The following ANXA11 variants were observed in gnomAD, a reference collection of about 807,000 sequenced individuals.
ANXA11 encodes annexin A11.
In ANXA11, 57 loss-of-function variants were observed where a neutral mutation model predicts 64.7. The observed-to-expected ratio is 0.88, with a 90% CI of 0.71 to 1.10. The LOEUF is 1.10. ANXA11 is among the 50% of genes least tolerant of loss of function. The pLI, the probability that ANXA11 is intolerant of heterozygous loss-of-function variation, is 0.00. For missense variants in ANXA11, 675 were observed against 670.7 expected (o/e 1.01, Z -0.07); for synonymous variants, 260 against 265.2 (o/e 0.98, Z 0.19).
chr10:80,176,471 G>A (rs1034327078), intron 1 of ANXA11, among the ~76,000 whole-genome samples: 9 of 152,208 alleles, frequency 5.9e-5, no homozygotes, highest in East Asian at 1.9e-4. Context: ...GCTGCCTCTC[G>A]AGAGGAAAGG....
chr10:80,179,926 T>C (rs1377767362), intron 1 of ANXA11, among the ~76,000 whole-genome samples: 5 of 152,162 alleles, frequency 3.3e-5, no homozygotes, highest in South Asian at 2.1e-4. Flanking sequence ...CTCTCAAACA[T>C]GGTGCCATCC....
chr10:80,169,984 G>A (rs967197330), intron 4 of ANXA11, among the ~76,000 whole-genome samples: 5 of 152,192 alleles, frequency 3.3e-5, no homozygotes, highest in Admixed American at 3.3e-4. Flanking sequence ...CCTGATGCAG[G>A]TCTTTGCTCA....
chr10:80,167,467 G>A (rs550212493), intron 5 of ANXA11, among the ~76,000 whole-genome samples, 154 bp from the exon 6 acceptor site: 14 of 152,300 alleles, frequency 9.2e-5, no homozygotes, highest in Admixed American at 2.6e-4. Flanking sequence ...ACTTTACGCC[G>A]CGTCTACCTA....
At chr10:80,190,446 C>T (rs1846722843) in intron 1 of ANXA11, among the ~76,000 whole-genome samples, 2 of 151,558 alleles carry the variant, frequency 1.3e-5, no homozygotes, top group Non-Finnish European at 2.9e-5. Flanking sequence ...CTTTGTACTC[C>T]ATAAATTTAC....
chr10:80,167,355 G>A lies in ANXA11; in HGVS notation c.562-42C>T, dbSNP rs369398504. ...TCTCAGGTAAGATGTCGTGCATGCCGCCTTCCCCACATTCAAGGCTGCTCC... is the reference window on the plus strand; with the variant it reads ...TCTCAGGTAAGATGTCGTGCATGCCACCTTCCCCACATTCAAGGCTGCTCC... On this transcript the variant is annotated intron_variant, in intron 5 of 15. Coordinates refer to ENST00000422982, the MANE Select transcript of ANXA11 (RefSeq NM_145868.2). The A allele has an allele frequency of 3.2e-5, 50 of 1,569,766 alleles. No individual in the cohort carries two copies. In the African/African-American group the frequency reaches 4.7e-4, roughly 15 times the overall value.
Position 80,157,662 on chromosome 10 carries a change from C to T in ANXA11, c.1437G>A (p.Lys479=), listed in dbSNP as rs1429034011. The change falls in exon 15 of 16, where the codon AAG becomes AAA. Residue 479 remains lysine (K), a synonymous_variant. Coordinates refer to ENST00000422982, the MANE Select transcript of ANXA11 (RefSeq NM_145868.2). ...IRSEYKRMYG[K]SLYHDISGDT... ...GTACCGAGATGTCGTGGTACAGCGA[C>T]TTGCCGTACATCCGCTTATACTCTG... The T allele has an allele frequency of 6.2e-7, 1 of 1,613,846 alleles. No homozygotes were observed. The highest frequency in any genetic ancestry group is 8.5e-7 in the Non-Finnish European group (1 of 1,179,852).
chr10:80,203,036 A>C (rs1193380372), intron 1 of ANXA11, among the ~76,000 whole-genome samples: 1 of 133,568 alleles, frequency 7.5e-6, no homozygotes, highest in Non-Finnish European at 1.6e-5. Flanking sequence ...ACAGGGCGAA[A>C]TCTGTCTCAA....
rs773152656 is a variant in ANXA11 at position 80,187,545 on chromosome 10, G to GCACACA, written c.-57-11396_-57-11391dup. On this transcript the variant is annotated intron_variant, in intron 1 of 15. Transcript: ENST00000422982. ...AGGATGCACGCGCATGTGCGCGCGT[G>GCACACA]CACACACACACACACACACACACAC... 1.3e-4 allele frequency among the ~76,000 whole-genome samples: 20 copies of GCACACA among 150,530 alleles called. 1 individual carries two copies. The highest frequency in any genetic ancestry group is 4.2e-4 in the South Asian group (2 of 4,756).
At chr10:80,171,743 G>A (rs1448091516) in intron 3 of ANXA11, 4 of 985,518 alleles carry the variant, frequency 4.1e-6, no homozygotes, top group Non-Finnish European at 4.8e-6. Flanking sequence ...CCTCCAGGAA[G>A]AACCTTCCCT....
intron 13 of ANXA11, among the ~76,000 whole-genome samples, chr10:80,158,466 G>A (rs1175696659): frequency 2.2e-4 from 33 of 152,114 alleles, no homozygotes; most frequent in Non-Finnish European, 1.5e-5. Context: ...CTACTATGGG[G>A]GACAGGCAGG....
chr10:80,172,085 G>A (rs916496165), intron 3 of ANXA11, among the ~76,000 whole-genome samples: 14 of 152,222 alleles, frequency 9.2e-5, no homozygotes, highest in African/African-American at 2.9e-4. Context: ...CCTGGGGAGA[G>A]GGGCAGCGGC....
At chr10:80,203,748 G>A (rs1260345757) in intron 1 of ANXA11, among the ~76,000 whole-genome samples, 5 of 152,224 alleles carry the variant, frequency 3.3e-5, no homozygotes, top group African/African-American at 1.2e-4. Context: ...CCTGCTGGGA[G>A]CAGGCACCCG....
chr10:80,163,466 A>G (rs1704176444), intron 10 of ANXA11, 61 bp from the exon 11 acceptor site: 1 of 1,610,956 alleles, frequency 6.2e-7, no homozygotes, highest in African/African-American at 1.3e-5. Flanking sequence ...CCCTTTCCTC[A>G]TTGCGGGGAT....
chr10:80,170,981 GA>G (rs1564612562), intron 3 of ANXA11, 66 bp from the exon 4 acceptor site: 1 of 1,535,248 alleles, frequency 6.5e-7, no homozygotes, highest in African/African-American at 1.4e-5. Flanking sequence ...AGGCAGAGAT[GA>G]GAGCTCCCAG....
chr10:80,182,853 A>G (rs552624911), intron 1 of ANXA11, among the ~76,000 whole-genome samples: 1 of 152,302 alleles, frequency 6.6e-6, no homozygotes, highest in South Asian at 2.1e-4. Context: ...GTCTTGTGGG[A>G]CTGAGCCCTT....
At chr10:80,163,662 G>A in intron 9 of ANXA11, 49 bp from the exon 10 acceptor site, 1 of 1,496,324 alleles carries the variant, frequency 6.7e-7, no homozygotes, top group East Asian at 2.5e-5. Flanking sequence ...TCTTTATGGA[G>A]CTGCCCATTG....
intron 4 of ANXA11, among the ~76,000 whole-genome samples, chr10:80,170,436 T>G (rs899160469): frequency 1.3e-5 from 2 of 152,200 alleles, no homozygotes; most frequent in African/African-American, 4.8e-5. Flanking sequence ...GAGCCCTCCA[T>G]ATGTACACAC....
chr10:80,199,574 G>A (rs1177487949), intron 1 of ANXA11, among the ~76,000 whole-genome samples: 1 of 152,164 alleles, frequency 6.6e-6, no homozygotes, highest in Non-Finnish European at 1.5e-5. Context: ...GGGAAGCTGA[G>A]GTGGGCAGAT....
intron 1 of ANXA11, among the ~76,000 whole-genome samples, chr10:80,190,092 C>T (rs1846706048): frequency 6.6e-6 from 1 of 152,218 alleles, no homozygotes; most frequent in Non-Finnish European, 1.5e-5. Flanking sequence ...AAGTAGACTG[C>T]TGTTGGCCAG....
Sources: allele counts gnomAD v4.1 joint callset (sites outside exome capture counted in the v4.1 genomes callset), GRCh38; gene constraint gnomAD v4.1.1; transcripts MANE v1.5; gene names NCBI Gene and HGNC (gene_info 2026-07-23, HGNC 2026-07-21).